Variants in RDX observed in about 807,000 individuals in gnomAD.
RDX encodes the protein deafness, autosomal recessive 24.
In RDX, 32 loss-of-function variants were observed where a neutral mutation model predicts 83.7. The ratio of observed to expected loss-of-function variants is 0.38; its 90% CI spans 0.29 to 0.51. RDX has a LOEUF of 0.51. RDX is among the 20% of genes least tolerant of loss of function. RDX has a pLI of 0.87. For missense variants in RDX, 600 were observed against 689.9 expected (o/e 0.87, Z 1.46); for synonymous variants, 229 against 222.7 (o/e 1.03, Z -0.25).
At position 110,255,302 on chromosome 11, in the gene RDX, T is replaced by G. The variant is rs1386279803; in HGVS notation, c.782A>C (p.Asp261Ala). 6.4e-7 allele frequency: 1 copy of G among 1,566,618 alleles called. No individual in the cohort carries two copies. Among genetic ancestry groups the G allele is most frequent in the Non-Finnish European group, 8.8e-7 (1 of 1,137,808 alleles). The change falls in exon 8 of 14, where the codon GAC becomes GCC. Residue 261 changes from aspartate (D) to alanine (A), a missense_variant. Physicochemically the swap from Asp to Ala is moderately radical, Grantham distance 126. Transcript: ENST00000645495. ...NDKKFVIKPI[D>A]KKAPDFVFYA... ...GAAATTACTTACAGGTGCCTTTTTG[T>G]CGATTGGCTTTATAACAAATTTTTT... is the stretch of plus-strand genomic sequence containing the variant.
intron 3 of RDX, 51 bp from the exon 4 acceptor site, chr11:110,264,925 T>C: frequency 7.8e-7 from 1 of 1,275,410 alleles, no homozygotes; most frequent in Non-Finnish European, 1.1e-6. Context: ...ACATACACAT[T>C]GTGTCTAGAT....
At position 110,272,634 on chromosome 11, in the gene RDX, A is replaced by C. The variant is rs574251290; in HGVS notation, c.13-15T>G. ...CTTACGTTGATCTGTAATAAAAATA[A>C]AAGGAATAATAAGTAGAAGAGAAGT... On this transcript the variant is annotated splice_polypyrimidine_tract_variant and intron_variant, in intron 2 of 13. Coordinates refer to ENST00000645495, the MANE Select transcript of RDX (RefSeq NM_002906.4). The C allele has an allele frequency of 1.3e-6, 2 of 1,565,812 alleles. No individual in the cohort carries two copies. The highest frequency in any genetic ancestry group is 2.3e-5 in the South Asian group (2 of 88,766).
At chr11:110,275,888 G>A (rs1202385152) in intron 2 of RDX, among the ~76,000 whole-genome samples, 1 of 148,726 alleles carries the variant, frequency 6.7e-6, no homozygotes. Flanking sequence ...AGGTTCAAGT[G>A]ATTCTCCTGC....
At chr11:110,277,522 G>A (rs1860570153) in intron 2 of RDX, among the ~76,000 whole-genome samples, 1 of 152,076 alleles carries the variant, frequency 6.6e-6, no homozygotes, top group African/African-American at 2.4e-5. Context: ...GTTTCACCAT[G>A]TTGGCCAGGC....
At chr11:110,242,041 G>A (rs1865118608) in intron 10 of RDX, among the ~76,000 whole-genome samples, 1 of 152,162 alleles carries the variant, frequency 6.6e-6, no homozygotes. Context: ...AATGGGGATT[G>A]TTTAATGGGT....
chr11:110,187,524 T>C (rs1186950787), intron 15 of RDX, among the ~76,000 whole-genome samples: 3 of 152,230 alleles, frequency 2.0e-5, no homozygotes, highest in Admixed American at 2.0e-4. Flanking sequence ...TCCAGCAATC[T>C]GGAGCACCCA....
At chr11:110,267,661 C>T (rs1860112288) in intron 3 of RDX, among the ~76,000 whole-genome samples, 1 of 151,090 alleles carries the variant, frequency 6.6e-6, no homozygotes, top group African/African-American at 2.4e-5. Flanking sequence ...ACTGAAATGA[C>T]AGAAAAAAAG....
chr11:110,289,199 T>C (rs1490708521), intron 1 of RDX, among the ~76,000 whole-genome samples: 2 of 148,000 alleles, frequency 1.4e-5, no homozygotes, highest in Non-Finnish European at 3.0e-5. Context: ...GATCGCGCCA[T>C]TGCACTCCAG....
intron 15 of RDX, among the ~76,000 whole-genome samples, chr11:110,188,213 G>A (rs1863025068): frequency 2.0e-5 from 3 of 151,808 alleles, no homozygotes; most frequent in South Asian, 4.2e-4. Context: ...AGAATCACTT[G>A]AACCCAGGAG....
chr11:110,225,900 AAG>A (rs762916465), downstream of RDX, among the ~76,000 whole-genome samples: 1 of 148,982 alleles, frequency 6.7e-6, no homozygotes, highest in Non-Finnish European at 1.5e-5. Context: ...AAAAAAGAAG[AAG>A]AAAAAAATAC....
chr11:110,285,401 G>T (rs1235994377), intron 1 of RDX, among the ~76,000 whole-genome samples: 1 of 151,304 alleles, frequency 6.6e-6, no homozygotes, highest in African/African-American at 2.4e-5. Flanking sequence ...AAATAAAAGA[G>T]AATATTGTTT....
chr11:110,238,928 A>AG, intron 10 of RDX, among the ~76,000 whole-genome samples: 1 of 124,108 alleles, frequency 8.1e-6, no homozygotes, highest in East Asian at 2.9e-4. Context: ...CTGTCTCAAA[A>AG]AAAAAAAAAA....
intron 14 of RDX, among the ~76,000 whole-genome samples, chr11:110,202,071 C>A (rs1057358205): frequency 6.6e-6 from 1 of 151,986 alleles, no homozygotes; most frequent in Admixed American, 6.6e-5. Flanking sequence ...TGAGCCACTG[C>A]GCCCGGCCTA....
At chr11:110,187,886 G>T (rs1863018396) in intron 15 of RDX, among the ~76,000 whole-genome samples, 1 of 152,226 alleles carries the variant, frequency 6.6e-6, no homozygotes, top group Non-Finnish European at 1.5e-5. Flanking sequence ...CATCTGTGTT[G>T]GCTGCAGCTG....
intron 2 of RDX, among the ~76,000 whole-genome samples, chr11:110,278,595 A>T (rs145093279): frequency 1.3e-5 from 2 of 152,138 alleles, no homozygotes; most frequent in African/African-American, 4.8e-5. Context: ...TGCATCTGGC[A>T]ATCTTGCTAA....
Position 110,237,501 on chromosome 11 carries a change from C to T in RDX, c.1242G>A (p.Gln414=). 1.9e-6 allele frequency: 3 copies of T among 1,612,440 alleles called. No homozygotes were observed. Among genetic ancestry groups the T allele is most frequent in the Non-Finnish European group, 2.5e-6 (3 of 1,179,990 alleles). The change falls in exon 11 of 14, where the codon CAG becomes CAA. Residue 414 remains glutamine (Q), a synonymous_variant. Transcript: ENST00000645495. ...GAAGACAGTTCCTTACTAGCTGCTC[C>T]TGATTCTTCATCTGGTCGGCAGCTT... ...AKQAADQMKN[Q]EQLAAELAEF...
In RDX at chr11:110,274,599, C is replaced by G. The variant is rs187070126; in HGVS notation, c.13-1980G>C. Among the ~76,000 whole-genome samples, 900 of 152,280 alleles carry G rather than the reference C, an allele frequency of 5.9e-3. 8 individuals are homozygous for G. Among genetic ancestry groups the G allele is most frequent in the African/African-American group, 0.021 (858 of 41,546 alleles). On this transcript the variant is annotated intron_variant, in intron 2 of 13. Coordinates refer to ENST00000645495, the MANE Select transcript of RDX (RefSeq NM_002906.4). ...CTCAACCTCCCGGGCTCAAGCGATCCTACCGCCTCAGCCTCTTGAGTGGCT... is the reference window on the plus strand; with the variant it reads ...CTCAACCTCCCGGGCTCAAGCGATCGTACCGCCTCAGCCTCTTGAGTGGCT...
intron 14 of RDX, among the ~76,000 whole-genome samples, chr11:110,208,837 T>C (rs1432371953): frequency 1.3e-5 from 2 of 152,018 alleles, no homozygotes; most frequent in Admixed American, 6.5e-5. Flanking sequence ...CCACCTGTAA[T>C]CACAGCTACT....
intron 14 of RDX, among the ~76,000 whole-genome samples, chr11:110,215,049 A>AAATATATATATATATATATATATAT (rs1355797892): frequency 1.0e-5 from 1 of 97,228 alleles, no homozygotes; most frequent in African/African-American, 3.7e-5. Context: ...AAAAAAAAAA[A>AAATATATATATATATATATATATAT]ATATATATAT....
Sources: allele counts gnomAD v4.1 joint callset (sites outside exome capture counted in the v4.1 genomes callset), GRCh38; gene constraint gnomAD v4.1.1; transcripts MANE v1.5; gene names NCBI Gene and HGNC (gene_info 2026-07-23, HGNC 2026-07-21).